The following RALGPS1 variants were observed in gnomAD, a reference collection of about 807,000 sequenced individuals.
RALGPS1 encodes Ral GEF with PH domain and SH3 binding motif 1, also known as ras-specific guanine nucleotide-releasing factor RalGPS1.
In RALGPS1, 19 loss-of-function variants were observed where a neutral mutation model predicts 78.8. That is an observed-to-expected ratio of 0.24 (90% confidence interval 0.17 to 0.35). RALGPS1 has a LOEUF of 0.35. Ranked by LOEUF, RALGPS1 falls within the 10% of genes least tolerant of loss-of-function variation. The probability of loss-of-function intolerance (pLI) is 1.00; values close to 1 mark genes in which losing one functional copy is unlikely to be tolerated. For synonymous variants in RALGPS1, 228 were observed against 256.3 expected, an observed-to-expected ratio of 0.89 and a Z score of 1.06; for missense variants, 454 against 688.3, an observed-to-expected ratio of 0.66 and a Z score of 3.81.
At chr9:127,085,272 T>C (rs1289879304) in intron 8 of RALGPS1, among the ~76,000 whole-genome samples, 9 of 152,224 alleles carry the variant, frequency 5.9e-5, no homozygotes, top group African/African-American at 2.2e-4. Flanking sequence ...CTGGGCTTCA[T>C]TGACTTCCTT....
intron 1 of RALGPS1, among the ~76,000 whole-genome samples, chr9:126,918,285 C>T (rs958136825): frequency 2.6e-5 from 4 of 152,246 alleles, no homozygotes; most frequent in Middle Eastern, 3.4e-3. Context: ...TGCAATCGTA[C>T]GTATGTAAGC....
chr9:126,940,688 A>G (rs535248), intron 1 of RALGPS1, among the ~76,000 whole-genome samples: 110,354 of 151,930 alleles, frequency 0.73, 40,302 homozygotes, highest in East Asian at 0.82. Flanking sequence ...TGATCCGTCG[A>G]ACAGGTATAT....
intron 7 of RALGPS1, among the ~76,000 whole-genome samples, chr9:127,062,037 T>G (rs761457054): frequency 7.9e-5 from 12 of 152,254 alleles, no homozygotes; most frequent in Non-Finnish European, 1.5e-4. Flanking sequence ...TATGTGCATA[T>G]GCATGTGATT....
chr9:126,942,479 C>A (rs2131478130), intron 1 of RALGPS1, among the ~76,000 whole-genome samples: 1 of 152,298 alleles, frequency 6.6e-6, no homozygotes, highest in Admixed American at 6.5e-5. Flanking sequence ...ATTGAAGAAT[C>A]TATCTTCTCC....
intron 3 of RALGPS1, among the ~76,000 whole-genome samples, chr9:126,973,027 A>C (rs1486571029): frequency 2.0e-5 from 3 of 151,558 alleles, no homozygotes; most frequent in Non-Finnish European, 4.4e-5. Flanking sequence ...GCGCCACTGC[A>C]CTCCAACCTG....
chr9:127,164,170 C>T (rs1314575518), intron 8 of RALGPS1, among the ~76,000 whole-genome samples: 1 of 152,028 alleles, frequency 6.6e-6, no homozygotes, highest in Non-Finnish European at 1.5e-5. Context: ...TCTTTATATA[C>T]AATCAATTTT....
At chr9:127,054,903 A>G (rs1177548296) in intron 7 of RALGPS1, among the ~76,000 whole-genome samples, 1 of 152,112 alleles carries the variant, frequency 6.6e-6, no homozygotes, top group African/African-American at 2.4e-5. Context: ...CCTTGAGCCC[A>G]GGAATTCAAG....
Position 127,091,569 on chromosome 9 carries a change from C to G in RALGPS1, c.610+22213C>G. On this transcript the variant is annotated intron_variant, in intron 8 of 18. Transcript: ENST00000259351. The surrounding 1 kb of genome is among the most constrained non-coding windows in gnomAD (Gnocchi z 4.3). ...GGCAGCTTGGCCCAGCTGCTTCTCA[C>G]CCTGGGATCTTCCCGTTTCCAAGCC... 1 of 1,491,186 alleles carries G rather than the reference C, an allele frequency of 6.7e-7. No homozygotes were observed. Among genetic ancestry groups the G allele is most frequent in the East Asian group, 2.3e-5 (1 of 44,028 alleles). 92.4% of individuals were successfully genotyped at this position (1,491,186 alleles called of 1,614,324 possible).
chr9:126,963,521 T>C (rs17367457), intron 2 of RALGPS1, among the ~76,000 whole-genome samples: 2,070 of 152,352 alleles, frequency 0.014, 32 homozygotes, highest in Non-Finnish European at 0.019. Flanking sequence ...TGAATACATG[T>C]ATAACTGAAG....
Position 127,221,038 on chromosome 9 carries a change from T to C in RALGPS1, c.*2269T>C, listed in dbSNP as rs2062760237. ...TTAGCTCGGACTCTTGAAGAATCTC[T>C]TTAGATTTTGTTGGCAAAAGCCTTA... On this transcript the variant is annotated 3_prime_UTR_variant, in exon 19 of 19. Transcript: ENST00000259351. 1 of 152,460 alleles carries C rather than the reference T, an allele frequency of 6.6e-6. No homozygotes were observed. Among genetic ancestry groups the C allele is most frequent in the African/African-American group, 2.4e-5 (1 of 41,464 alleles). 9.4% of individuals were successfully genotyped at this position (152,460 alleles called of 1,614,324 possible).
At position 127,032,890 on chromosome 9, in the gene RALGPS1, T is replaced by G. The variant is rs182884022; in HGVS notation, c.217-1541T>G. ...TATGTCATCAGAACAAGAAGAATCA[T>G]AGTAAACAGCTGTAACTTCTACAAC... is the stretch of plus-strand genomic sequence containing the variant. On this transcript the variant is annotated intron_variant, in intron 4 of 18. Coordinates refer to ENST00000259351, the MANE Select transcript of RALGPS1 (RefSeq NM_014636.3). Among the ~76,000 whole-genome samples, 363 of 152,312 alleles carry G rather than the reference T, an allele frequency of 2.4e-3. 1 individual carries two copies. Among genetic ancestry groups the G allele is most frequent in the Non-Finnish European group, 3.6e-3 (247 of 68,022 alleles).
intron 9 of RALGPS1, among the ~76,000 whole-genome samples, chr9:127,168,237 T>C (rs1363999023): frequency 1.3e-5 from 2 of 152,224 alleles, no homozygotes; most frequent in African/African-American, 2.4e-5. Flanking sequence ...GGTCTGTTCA[T>C]TCATTCTTGA....
At position 127,034,623 on chromosome 9, in the gene RALGPS1, G is replaced by T. The variant is rs902192547; in HGVS notation, c.300+109G>T. The T allele has an allele frequency of 3.2e-6, 3 of 927,952 alleles. No homozygotes were observed. The Admixed American group carries it at 5.5e-5, about 17-fold the overall frequency. The allele number at this position is 927,952 out of a possible 1,614,324, so 57.5% of individuals were successfully genotyped here. A position where few individuals can be genotyped will look rare whatever the true frequency, so the allele number is the denominator to read the frequency against. ...TCTCCCAGGCTCCCAGCTGGCCCCAGATCCAGCTTCTCATATGAGTCCCCC... is the reference window on the plus strand; with the variant it reads ...TCTCCCAGGCTCCCAGCTGGCCCCATATCCAGCTTCTCATATGAGTCCCCC... On this transcript the variant is annotated intron_variant, in intron 5 of 18. Coordinates refer to ENST00000259351, the MANE Select transcript of RALGPS1 (RefSeq NM_014636.3).
At chr9:127,087,624 T>G (rs1223811758) in intron 8 of RALGPS1, 2 of 152,390 alleles carry the variant, frequency 1.3e-5, no homozygotes, top group Non-Finnish European at 2.9e-5. Flanking sequence ...AGGCTGACAC[T>G]TGGTGGCCAA....
chr9:127,028,927 G>C (rs1332693597), intron 4 of RALGPS1, among the ~76,000 whole-genome samples: 1 of 151,850 alleles, frequency 6.6e-6, no homozygotes, highest in Non-Finnish European at 1.5e-5. Context: ...TGTGACCCTT[G>C]TGCCCCCAGA....
chr9:127,047,844 T>C (rs1022754046), intron 5 of RALGPS1, among the ~76,000 whole-genome samples: 3 of 152,198 alleles, frequency 2.0e-5, no homozygotes, highest in African/African-American at 7.2e-5. Flanking sequence ...CTTGTTTTCT[T>C]CATCAAACTT....
intron 8 of RALGPS1, among the ~76,000 whole-genome samples, chr9:127,110,774 C>T (rs935493459): frequency 8.5e-5 from 13 of 152,102 alleles, no homozygotes; most frequent in African/African-American, 2.4e-4. Context: ...TCTAATTCAC[C>T]GCCAAATTAC....
At chr9:127,178,512 T>C in intron 11 of RALGPS1, 1 of 987,270 alleles carries the variant, frequency 1.0e-6, no homozygotes, top group Non-Finnish European at 1.2e-6. Context: ...ATTATCATAA[T>C]TGTCATATTG....
At chr9:127,216,270 C>G (rs970305216) in intron 18 of RALGPS1, 1 of 152,214 alleles carries the variant, frequency 6.6e-6, no homozygotes, top group Non-Finnish European at 1.5e-5. Context: ...CAGAATTAGT[C>G]CTCGACCAAC....
Sources: gnomAD v4.1 joint callset for allele counts (sites outside exome capture counted in the v4.1 genomes callset) on GRCh38, gnomAD v4.1.1 for gene constraint, Gnocchi (gnomAD v3.1) non-coding constraint, MANE v1.5 for transcripts, NCBI Gene and HGNC (gene_info 2026-07-23, HGNC 2026-07-21) for gene names.